USP47: variants seen among roughly 807,000 people sequenced by gnomAD.
USP47 encodes ubiquitin specific peptidase 47.
Under a neutral mutation model 165.1 loss-of-function variants are expected in USP47, and 35 were observed. That is an observed-to-expected ratio of 0.21 (90% CI 0.16 to 0.28). The LOEUF is 0.28. USP47 is among the 10% of genes least tolerant of loss of function. The probability of loss-of-function intolerance (pLI) is 1.00; values close to 1 mark genes in which losing one functional copy is unlikely to be tolerated. For synonymous variants in USP47, 531 were observed against 544.5 expected (o/e 0.98, Z 0.35); for missense variants, 1,277 against 1,607.4 (o/e 0.79, Z 3.52).
chr11:11,875,072 TG>T (rs1564859555), intron 1 of USP47, among the ~76,000 whole-genome samples: 4,907 of 141,876 alleles, frequency 0.035, 159 homozygotes, highest in African/African-American at 0.091. Context: ...TGTGTGTGTG[TG>T]TGTGTGTGTT....
chr11:11,942,145 G>T (rs574338987), intron 19 of USP47, among the ~76,000 whole-genome samples, 190 bp from the exon 20 acceptor site: 11 of 152,040 alleles, frequency 7.2e-5, no homozygotes, highest in Non-Finnish European at 1.3e-4. Context: ...TTTATGGCTA[G>T]TTACAAAGAC....
chr11:11,916,031 T>G (rs907007136), intron 8 of USP47, among the ~76,000 whole-genome samples: 1 of 152,220 alleles, frequency 6.6e-6, no homozygotes, highest in Non-Finnish European at 1.5e-5. Flanking sequence ...ACCTTTTGAT[T>G]GCACTGTGCC....
intron 3 of USP47, among the ~76,000 whole-genome samples, chr11:11,889,782 A>G (rs1385023444): frequency 2.6e-5 from 4 of 152,214 alleles, no homozygotes; most frequent in Non-Finnish European, 5.9e-5. Context: ...AGCTGAAGGC[A>G]TCATGCTACC....
At chr11:11,888,099 T>C (rs1162143884) in intron 3 of USP47, among the ~76,000 whole-genome samples, 1 of 151,882 alleles carries the variant, frequency 6.6e-6, no homozygotes, top group Non-Finnish European at 1.5e-5. Flanking sequence ...CAAATGCCCA[T>C]ATCAAAAAGC....
chr11:11,891,790 C>T (rs753396227), intron 3 of USP47, among the ~76,000 whole-genome samples, 178 bp from the exon 4 acceptor site: 63 of 152,180 alleles, frequency 4.1e-4, no homozygotes, highest in Non-Finnish European at 7.9e-4. Context: ...AATCTTCTCT[C>T]ATGTAAACAG....
chr11:11,944,890 GAT>G (rs1855723526), intron 20 of USP47, among the ~76,000 whole-genome samples: 1 of 152,172 alleles, frequency 6.6e-6, no homozygotes, highest in African/African-American at 2.4e-5. Flanking sequence ...TTGACTGGAT[GAT>G]AGTCTCAACC....
At chr11:11,855,174 G>A (rs1488264585) in intron 1 of USP47, among the ~76,000 whole-genome samples, 1 of 152,086 alleles carries the variant, frequency 6.6e-6, no homozygotes, top group African/African-American at 2.4e-5. Context: ...TTTGAGTTCA[G>A]CTAATGAGGT....
At chr11:11,871,501 C>CAAAAAAAAAAAAAA (rs71037046) in intron 1 of USP47, among the ~76,000 whole-genome samples, 12 of 63,154 alleles carry the variant, frequency 1.9e-4, no homozygotes, top group Non-Finnish European at 3.7e-4. Context: ...AACTCCCTCT[C>CAAAAAAAAAAAAAA]AAAAAAAAAA....
chr11:11,893,803 G>A (rs1851690979), intron 4 of USP47, among the ~76,000 whole-genome samples: 1 of 152,132 alleles, frequency 6.6e-6, no homozygotes, highest in South Asian at 2.1e-4. Context: ...CCAAGTAGCT[G>A]GGATTACAGG....
chr11:11,954,240 ACT>A (rs1183879803), intron 25 of USP47, among the ~76,000 whole-genome samples: 1 of 151,890 alleles, frequency 6.6e-6, no homozygotes, highest in Non-Finnish European at 1.5e-5. Context: ...ATGGAGTGAG[ACT>A]CTGTCTCAAG....
At chr11:11,946,083 A>G (rs1855818189) in intron 20 of USP47, among the ~76,000 whole-genome samples, 1 of 152,230 alleles carries the variant, frequency 6.6e-6, no homozygotes, top group Admixed American at 6.5e-5. Flanking sequence ...GATAGGAAAA[A>G]TGGTACAATA....
chr11:11,921,406 A>T (rs1228081494), intron 10 of USP47, among the ~76,000 whole-genome samples: 1 of 151,866 alleles, frequency 6.6e-6, no homozygotes, highest in East Asian at 1.9e-4. Context: ...AGGCATAGCT[A>T]GATGTGGATT....
chr11:11,869,217 T>C (rs1343309750), intron 1 of USP47, among the ~76,000 whole-genome samples: 4 of 152,162 alleles, frequency 2.6e-5, no homozygotes, highest in African/African-American at 7.2e-5. Flanking sequence ...TTTTCTCCTA[T>C]GTGTTTTCCT....
At chr11:11,843,116 A>G (rs902212755) in intron 1 of USP47, among the ~76,000 whole-genome samples, 5 of 152,174 alleles carry the variant, frequency 3.3e-5, no homozygotes, top group African/African-American at 9.7e-5. Context: ...CATATACCTT[A>G]AATAGAGACA....
chr11:11,920,549 G>T (rs1853759781), intron 10 of USP47, 55 bp downstream of exon 10: 3 of 1,507,702 alleles, frequency 2.0e-6, no homozygotes, highest in Non-Finnish European at 1.8e-6. Context: ...GTCAGTCATG[G>T]TTTTGAAAGA....
chr11:11,870,866 A>G (rs538901398), intron 1 of USP47, among the ~76,000 whole-genome samples: 2 of 152,094 alleles, frequency 1.3e-5, no homozygotes, highest in South Asian at 4.2e-4. Flanking sequence ...AATCCCATCC[A>G]TGTTATTTAT....
intron 1 of USP47, among the ~76,000 whole-genome samples, chr11:11,875,465 G>A (rs1850350599): frequency 6.6e-6 from 1 of 152,108 alleles, no homozygotes; most frequent in Non-Finnish European, 1.5e-5. Flanking sequence ...CCTTCAGCGG[G>A]CTCTAAAATG....
chr11:11,893,941 A>ATT (rs1851697984), intron 4 of USP47, among the ~76,000 whole-genome samples: 1 of 152,032 alleles, frequency 6.6e-6, no homozygotes, highest in Non-Finnish European at 1.5e-5. Flanking sequence ...TTAATGGTTT[A>ATT]TTTTTTCTGG....
rs1191730675 is a variant in USP47 at position 11,884,450 on chromosome 11, A to C, written c.244-17A>C. On this transcript the variant is annotated splice_polypyrimidine_tract_variant and intron_variant, in intron 2 of 27. Coordinates refer to ENST00000527733, the MANE Select transcript of USP47 (RefSeq NM_001282659.2). ...TATGTTTCTCATAATCTGAAACATT[A>C]TGTTTTATGTCCATAGGCACCACTG... 2 of 1,528,454 alleles carry C rather than the reference A, an allele frequency of 1.3e-6. 1 individual carries two copies. Among genetic ancestry groups the C allele is most frequent in the Admixed American group, 4.4e-5 (2 of 45,588 alleles). The allele number at this position is 1,528,454 out of a possible 1,614,324, so 94.7% of individuals were successfully genotyped here. A position where few individuals can be genotyped will look rare whatever the true frequency, so the allele number is the denominator to read the frequency against.
Sources: gnomAD v4.1 joint callset for allele counts (sites outside exome capture counted in the v4.1 genomes callset) on GRCh38, gnomAD v4.1.1 for gene constraint, MANE v1.5 for transcripts, NCBI Gene and HGNC (gene_info 2026-07-23, HGNC 2026-07-21) for gene names.